The following DHRSX variants were observed in gnomAD, a reference collection of about 807,000 sequenced individuals.
DHRSX encodes dehydrogenase/reductase X-linked.
DHRSX carries 31 observed loss-of-function variants against 34.0 expected under a neutral mutation model. The observed-to-expected ratio is 0.91, with a 90% CI of 0.69 to 1.23. The LOEUF is 1.23. DHRSX is among the 50% of genes most tolerant of loss of function. DHRSX has a pLI of 0.00. For synonymous variants in DHRSX, 201 were observed against 183.8 expected (o/e 1.09, Z -0.76); for missense variants, 414 against 428.1 (o/e 0.97, Z 0.29).
intron 6 of DHRSX, among the ~76,000 whole-genome samples, chrX:2,236,149 C>T (rs1006902611): frequency 6.6e-6 from 1 of 152,012 alleles, no homozygotes; most frequent in Non-Finnish European, 1.5e-5. Flanking sequence ...AATAAATCCG[C>T]ACCTGTACTC....
chrX:2,270,557 T>C (rs746964849), intron 4 of DHRSX, among the ~76,000 whole-genome samples: 15 of 151,936 alleles, frequency 9.9e-5, no homozygotes, highest in Admixed American at 6.6e-4. Context: ...GACTCAGCAG[T>C]GGGTCCCGCG....
At chrX:2,230,696 A>G (rs1254108761) in intron 6 of DHRSX, among the ~76,000 whole-genome samples, 1 of 152,100 alleles carries the variant, frequency 6.6e-6, no homozygotes, top group Non-Finnish European at 1.5e-5. Context: ...CTTACTAGAA[A>G]AGGAATTCCA....
intron 3 of DHRSX, among the ~76,000 whole-genome samples, chrX:2,318,350 C>CAA (rs774165774): frequency 7.3e-6 from 1 of 137,022 alleles, no homozygotes; most frequent in African/African-American, 2.6e-5. Context: ...AACCCAATCT[C>CAA]AAAAAAAAAA....
rs768191549 is a variant in DHRSX, at chrX:2,230,106, GGT to G, written c.805-8879_805-8878del. On this transcript the variant is annotated intron_variant, in intron 6 of 6. Coordinates refer to ENST00000334651, the MANE Select transcript of DHRSX (RefSeq NM_145177.3). ...GTGCATGTGTGTCTATGCATGTGAA[GGT>G]GTGTGTGCATTTATGCACGTGAGCA... Among the ~76,000 whole-genome samples, 105 of 152,284 alleles carry G rather than the reference GGT, an allele frequency of 6.9e-4. No individual in the cohort carries two copies. In the South Asian group the frequency reaches 9.1e-3, roughly 13 times the overall value.
intron 1 of DHRSX, among the ~76,000 whole-genome samples, chrX:2,437,370 C>T (rs923891119): frequency 2.0e-5 from 3 of 152,008 alleles, no homozygotes; most frequent in Non-Finnish European, 4.4e-5. Context: ...CTTTGGGAGG[C>T]CGAGGTAGAA....
chrX:2,344,260 G>T (rs1397854992), intron 3 of DHRSX, among the ~76,000 whole-genome samples: 1 of 151,982 alleles, frequency 6.6e-6, no homozygotes, highest in Non-Finnish European at 1.5e-5. Flanking sequence ...CATCATCACG[G>T]GTCATTAGAG....
intron 4 of DHRSX, among the ~76,000 whole-genome samples, chrX:2,275,395 G>A (rs376498958): frequency 5.0e-4 from 76 of 150,582 alleles, no homozygotes; most frequent in African/African-American, 1.8e-3. Flanking sequence ...TGTAATTTCA[G>A]CTGCTTGGGA....
chrX:2,386,882 G>GTTTTT (rs57827913), intron 3 of DHRSX, among the ~76,000 whole-genome samples: 1 of 124,098 alleles, frequency 8.1e-6, no homozygotes, highest in South Asian at 2.5e-4. Context: ...TGATGGTTTT[G>GTTTTT]TTTTTTTTTT....
chrX:2,307,405 C>T (rs1426166785), intron 3 of DHRSX, among the ~76,000 whole-genome samples: 1 of 151,700 alleles, frequency 6.6e-6, no homozygotes, highest in Non-Finnish European at 1.5e-5. Context: ...GCGTGAACCG[C>T]AGCACTACAC....
chrX:2,290,275 A>G (rs1319201578), intron 4 of DHRSX, among the ~76,000 whole-genome samples: 1 of 152,168 alleles, frequency 6.6e-6, no homozygotes, highest in African/African-American at 2.4e-5. Flanking sequence ...CAAAAACACG[A>G]AACACATCAA....
At chrX:2,243,305 T>C in intron 5 of DHRSX, 75 bp from the exon 6 acceptor site, 2 of 1,369,020 alleles carry the variant, frequency 1.5e-6, no homozygotes, top group Admixed American at 1.9e-5. Flanking sequence ...GCAGCATCTG[T>C]ACCTGCGGCC....
chrX:2,289,439 C>T (rs1468374047), intron 4 of DHRSX, among the ~76,000 whole-genome samples: 1 of 152,038 alleles, frequency 6.6e-6, no homozygotes, highest in Non-Finnish European at 1.5e-5. Context: ...ATTTTTTCTG[C>T]TTACTGGTGG....
At chrX:2,437,571 T>C (rs754846342) in intron 1 of DHRSX, among the ~76,000 whole-genome samples, 2 of 148,450 alleles carry the variant, frequency 1.3e-5, no homozygotes, top group Admixed American at 1.4e-4. Context: ...ATCAGTGCAC[T>C]CCAGCCTAGG....
chrX:2,376,359 C>T lies in DHRSX; in HGVS notation c.286+32386G>A, dbSNP rs1193075503. Among the ~76,000 whole-genome samples, 4 of 137,484 alleles carry T rather than the reference C, an allele frequency of 2.9e-5. 2 individuals carry two copies. The highest frequency in any genetic ancestry group is 6.9e-5 in the Non-Finnish European group (4 of 58,216). 90.2% of individuals were successfully genotyped at this position (137,484 alleles called of 152,430 possible). On this transcript the variant is annotated intron_variant, in intron 3 of 6. Transcript: ENST00000334651. ...AGAAACCAGCAAAGGAAGCCAGCAT[C>T]ATTCACAATGCTGGTGTCTGTTACC...
At position 2,298,601 on chromosome X, in the gene DHRSX, TACACAC is replaced by T. The variant is rs747078260; in HGVS notation, c.287-7004_287-6999del. 3.2e-3 allele frequency among the ~76,000 whole-genome samples: 418 copies of T among 131,790 alleles called. 10 individuals are homozygous for T. The highest frequency in any genetic ancestry group is 0.023 in the East Asian group (113 of 4,870). 86.5% of individuals were successfully genotyped at this position (131,790 alleles called of 152,430 possible). On this transcript the variant is annotated intron_variant, in intron 3 of 6. Transcript: ENST00000334651. ...AGCAGTTCTCCTGCAGGCGCGTGTG[TACACAC>T]ACACACACACACACACACACACACA...
chrX:2,455,735 T>G (rs1489305706), intron 1 of DHRSX, among the ~76,000 whole-genome samples: 2 of 121,884 alleles, frequency 1.6e-5, no homozygotes, highest in Non-Finnish European at 3.3e-5. Flanking sequence ...GAACAAAACT[T>G]CGTCTCAAAA....
intron 1 of DHRSX, among the ~76,000 whole-genome samples, chrX:2,460,174 T>G (rs1291929864): frequency 6.6e-6 from 1 of 152,064 alleles, no homozygotes; most frequent in African/African-American, 2.4e-5. Context: ...GACCTTCCAG[T>G]GAGCACACGA....
chrX:2,465,808 GCAA>G (rs1226894604), intron 1 of DHRSX, among the ~76,000 whole-genome samples: 52 of 67,858 alleles, frequency 7.7e-4, no homozygotes, highest in African/African-American at 5.2e-3. Flanking sequence ...AAACTCCATC[GCAA>G]AAAAAAAAAA....
chrX:2,366,310 G>T (rs909545733), intron 3 of DHRSX, among the ~76,000 whole-genome samples: 3 of 151,856 alleles, frequency 2.0e-5, no homozygotes, highest in African/African-American at 7.3e-5. Context: ...GAGTGGTTGG[G>T]CATGGCTGTA....
Sources: gnomAD v4.1 joint callset for allele counts (sites outside exome capture counted in the v4.1 genomes callset) on GRCh38, gnomAD v4.1.1 for gene constraint, MANE v1.5 for transcripts, NCBI Gene and HGNC (gene_info 2026-07-23, HGNC 2026-07-21) for gene names.